Variants in IL22RA1 observed in about 807,000 individuals in gnomAD.
IL22RA1 encodes interleukin 22 receptor subunit alpha 1.
In IL22RA1, 25 loss-of-function variants were observed where a neutral mutation model predicts 32.8. The observed-to-expected ratio is 0.76, with a 90% CI of 0.55 to 1.06. The LOEUF (loss-of-function observed/expected upper bound fraction) is 1.06, where lower values mean the gene tolerates loss of function less well. IL22RA1 is among the 50% of genes least tolerant of loss of function. The pLI is 0.00. For missense variants in IL22RA1, 709 were observed against 727.4 expected, an observed-to-expected ratio of 0.97 and a Z score of 0.29; for synonymous variants, 305 against 305.0, an observed-to-expected ratio of 1.00 and a Z score of 0.00.
chr1:24,132,049 C>T (rs1010041136), intron 4 of IL22RA1, among the ~76,000 whole-genome samples: 3 of 152,260 alleles, frequency 2.0e-5, no homozygotes, highest in East Asian at 3.9e-4. Context: ...CCCCAACTAC[C>T]GAAAGAAACA....
In IL22RA1 at chr1:24,119,917, A is replaced by G. The variant is rs1194117301; in HGVS notation, c.*888T>C. 6.6e-6 allele frequency: 1 copy of G among 152,226 alleles called. No individual in the cohort carries two copies. The highest frequency in any genetic ancestry group is 2.4e-5 in the African/African-American group (1 of 41,440). The allele number at this position is 152,226 out of a possible 1,614,324, so 9.4% of individuals were successfully genotyped here. ...AGATGAGGAAACCGAGGTTCTGGGC[A>G]CTGATTTCATTTGTTTGAAGTCACA... On this transcript the variant is annotated 3_prime_UTR_variant, in exon 7 of 7. Coordinates refer to ENST00000270800, the MANE Select transcript of IL22RA1 (RefSeq NM_021258.4).
intron 5 of IL22RA1, among the ~76,000 whole-genome samples, chr1:24,127,503 G>T (rs1644174090): frequency 6.6e-6 from 1 of 151,924 alleles, no homozygotes; most frequent in East Asian, 1.9e-4. Flanking sequence ...TGTGGAGATG[G>T]GGTTTTGCCC....
At chr1:24,135,546 T>C (rs114018845) in intron 3 of IL22RA1, among the ~76,000 whole-genome samples, 3 of 152,214 alleles carry the variant, frequency 2.0e-5, no homozygotes, top group Admixed American at 2.0e-4. Context: ...GCAACTATAT[T>C]AGTCCATTCT....
chr1:24,120,728 G>A lies in IL22RA1; in HGVS notation c.*77C>T, dbSNP rs1316107109. On this transcript the variant is annotated 3_prime_UTR_variant, in exon 7 of 7. Coordinates refer to ENST00000270800, the MANE Select transcript of IL22RA1 (RefSeq NM_021258.4). ...CCAGATCGCAGAGTGTGTGGCGTGG[G>A]CAGGCATGGGATTGACAGCCAAGGA... is the stretch of plus-strand genomic sequence containing the variant. The A allele has an allele frequency of 2.2e-6, 3 of 1,351,936 alleles. No homozygotes were observed. In the African/African-American group the frequency reaches 4.4e-5, roughly 20 times the overall value. 83.7% of individuals were successfully genotyped at this position (1,351,936 alleles called of 1,614,324 possible).
chr1:24,137,265 A>G lies in IL22RA1; in HGVS notation c.221T>C (p.Ile74Thr). Residue 74 changes from isoleucine to threonine, a missense_variant, in exon 3 of 7, where the codon ATC (isoleucine) becomes ACC (threonine). Coordinates refer to ENST00000270800, the MANE Select transcript of IL22RA1 (RefSeq NM_021258.4). ...CGTCAGGTTGCAGGACTTCCGGGTG[A>G]TCCGCTGACAGCCCTTCTTTGCCAC... ...DWVAKKGCQR[I>T]TRKSCNLTVE... 1 of 1,614,156 alleles carries G rather than the reference A, an allele frequency of 6.2e-7. No individual in the cohort carries two copies. The highest frequency in any genetic ancestry group is 8.5e-7 in the Non-Finnish European group (1 of 1,180,032).
Position 24,121,059 on chromosome 1 carries a change from A to T in IL22RA1, c.1471T>A (p.Tyr491Asn), listed in dbSNP as rs781766039. Residue 491 changes from tyrosine to asparagine, a missense_variant, in exon 7 of 7, where the codon TAC becomes AAC. Transcript: ENST00000270800. ...AGGAGGGGGAGCTGGCCCTTTAGGT[A>T]CTGTGGTGTCCCTTCCTCCCCACTG... ...LHSGEEGTPQ[Y>N]LKGQLPLLSS... 1.2e-6 allele frequency: 2 copies of T among 1,614,120 alleles called. No homozygotes were observed. The highest frequency in any genetic ancestry group is 1.7e-6 in the Non-Finnish European group (2 of 1,180,000).
intron 6 of IL22RA1, among the ~76,000 whole-genome samples, chr1:24,122,319 G>A (rs1570900365): frequency 1.3e-5 from 2 of 151,876 alleles, no homozygotes; most frequent in South Asian, 4.2e-4. Flanking sequence ...GCGTCAGGTG[G>A]GGGCTGCTGA....
intron 4 of IL22RA1, 146 bp from the exon 5 acceptor site, chr1:24,128,425 CT>C: frequency 1.1e-6 from 1 of 929,894 alleles, no homozygotes; most frequent in African/African-American, 1.6e-5. Flanking sequence ...CTCCCTTCTG[CT>C]TTATCCCCAA....
chr1:24,126,122 G>T (rs1301387010), intron 5 of IL22RA1, among the ~76,000 whole-genome samples: 1 of 152,200 alleles, frequency 6.6e-6, no homozygotes, highest in Non-Finnish European at 1.5e-5. Flanking sequence ...AGGGAAGGGG[G>T]TCATGAATCA....
chr1:24,138,215 A>G (rs2502450), intron 2 of IL22RA1, among the ~76,000 whole-genome samples: 1 of 151,962 alleles, frequency 6.6e-6, no homozygotes, highest in Non-Finnish European at 1.5e-5. Flanking sequence ...TAGCTTATAA[A>G]TTTCCAGGCA....
intron 4 of IL22RA1, among the ~76,000 whole-genome samples, chr1:24,131,497 C>T (rs1356281340): frequency 2.0e-5 from 3 of 152,060 alleles, no homozygotes; most frequent in African/African-American, 7.3e-5. Context: ...GACTTCAATA[C>T]AAAGAGTATG....
Position 24,121,596 on chromosome 1 carries a change from G to T in IL22RA1, c.934C>A (p.Pro312Thr). ...CTATGCCGCTGTGGAGCTCCTGCGG[G>T]CTCCCTGGGTCCAGACACCCTGATC... ...SQIRVSGPRE[P>T]AGAPQRHSLS... The change falls in exon 7 of 7, where the codon CCC (proline) becomes ACC (threonine). Residue 312 changes from proline to threonine, a missense_variant. Coordinates refer to ENST00000270800, the MANE Select transcript of IL22RA1 (RefSeq NM_021258.4). 1 of 1,612,748 alleles carries T rather than the reference G, an allele frequency of 6.2e-7. No homozygotes were observed. The highest frequency in any genetic ancestry group is 8.5e-7 in the Non-Finnish European group (1 of 1,179,074).
chr1:24,131,682 T>C (rs1644205507), intron 4 of IL22RA1, among the ~76,000 whole-genome samples: 2 of 152,236 alleles, frequency 1.3e-5, no homozygotes, highest in African/African-American at 4.8e-5. Context: ...AGTTTACTAT[T>C]TTCAACAATT....
intron 2 of IL22RA1, among the ~76,000 whole-genome samples, chr1:24,138,102 C>A (rs75032062): frequency 0.073 from 11,108 of 152,224 alleles, 504 homozygotes; most frequent in Non-Finnish European, 0.1. Context: ...CCCCTCCTCA[C>A]CTGCATGGGA....
At chr1:24,136,593 C>A (rs1644244027) in intron 3 of IL22RA1, among the ~76,000 whole-genome samples, 2 of 152,136 alleles carry the variant, frequency 1.3e-5, no homozygotes, top group South Asian at 4.1e-4. Context: ...GTGGGAGCAG[C>A]AAGGAACCCG....
chr1:24,135,783 C>T (rs1644237822), intron 3 of IL22RA1, among the ~76,000 whole-genome samples: 3 of 152,106 alleles, frequency 2.0e-5, no homozygotes, highest in Admixed American at 2.0e-4. Context: ...AAGAACGTAC[C>T]CACTATCATG....
In IL22RA1 at chr1:24,121,330, A is replaced by T; in HGVS notation, c.1200T>A (p.Pro400=). 2 of 1,606,620 alleles carry T rather than the reference A, an allele frequency of 1.2e-6. No individual in the cohort carries two copies. Among genetic ancestry groups the T allele is most frequent in the Non-Finnish European group, 1.7e-6 (2 of 1,174,858 alleles). ...CTTCCATGCATACCCCATAGGAGGG[A>T]GGCCAGCTGTCCGGAGTGGCTTGAG... ...YAPQATPDSW[P]PSYGVCMEGS... Residue 400 remains proline, a synonymous_variant, in exon 7 of 7, where the codon CCT becomes CCA. Coordinates refer to ENST00000270800, the MANE Select transcript of IL22RA1 (RefSeq NM_021258.4).
chr1:24,128,112 C>A (rs1012094554), intron 5 of IL22RA1, 29 bp downstream of exon 5: 1 of 1,491,414 alleles, frequency 6.7e-7, no homozygotes, highest in Non-Finnish European at 8.9e-7. Flanking sequence ...TCGGGAGCCC[C>A]ACCTCCCTCT....
chr1:24,137,597 A>G (rs913023748), intron 2 of IL22RA1, among the ~76,000 whole-genome samples: 1 of 149,832 alleles, frequency 6.7e-6, no homozygotes, highest in Admixed American at 6.7e-5. Context: ...GCTCACTGCA[A>G]CTTCTACCTC....
Sources: gnomAD v4.1 joint callset for allele counts (sites outside exome capture counted in the v4.1 genomes callset) on GRCh38, gnomAD v4.1.1 for gene constraint, MANE v1.5 for transcripts, NCBI Gene and HGNC (gene_info 2026-07-23, HGNC 2026-07-21) for gene names.